Variants in SH3GL2 observed in about 807,000 individuals in gnomAD.
The protein encoded by SH3GL2 is endophilin-A1.
Under a neutral mutation model 46.0 loss-of-function variants are expected in SH3GL2, and 24 were observed. That is an observed-to-expected ratio of 0.52 (90% confidence interval 0.38 to 0.73). The LOEUF (loss-of-function observed/expected upper bound fraction) is 0.73, where lower values mean the gene tolerates loss of function less well. Ranked by LOEUF, SH3GL2 falls within the 30% of genes least tolerant of loss-of-function variation. The pLI is 0.00. For synonymous variants in SH3GL2, 196 were observed against 147.1 expected (o/e 1.33, Z -2.40); for missense variants, 413 against 424.2 (o/e 0.97, Z 0.23).
At chr9:17,699,343 A>T (rs1821289013) in intron 1 of SH3GL2, among the ~76,000 whole-genome samples, 1 of 152,130 alleles carries the variant, frequency 6.6e-6, no homozygotes. Context: ...GGAAACAAGC[A>T]GTCACAGCTT....
intron 1 of SH3GL2, among the ~76,000 whole-genome samples, chr9:17,689,631 C>T (rs1367760041): frequency 7.1e-6 from 1 of 140,534 alleles, no homozygotes; most frequent in Non-Finnish European, 1.5e-5. Flanking sequence ...CTACTCTGGC[C>T]TGGTTGCTGT....
rs537203156 is a variant in SH3GL2 at position 17,647,051 on chromosome 9, CT to C, written c.45+67767del. ...ATAAGCCCCTGACCGGGGCTGTTGC[CT>C]TTCCTCAGAGATGCCCTGCCCAGAG... On this transcript the variant is annotated intron_variant, in intron 1 of 8. Coordinates refer to ENST00000380607, the MANE Select transcript of SH3GL2 (RefSeq NM_003026.5). 4.7e-3 allele frequency among the ~76,000 whole-genome samples: 715 copies of C among 152,262 alleles called. 2 individuals are homozygous for C. Among genetic ancestry groups the C allele is most frequent in the Non-Finnish European group, 8.7e-3 (594 of 68,022 alleles).
intron 1 of SH3GL2, among the ~76,000 whole-genome samples, chr9:17,738,674 AT>A (rs1822436083): frequency 6.8e-6 from 1 of 147,818 alleles, no homozygotes; most frequent in Non-Finnish European, 1.5e-5. Context: ...AGAGAGAGAG[AT>A]AATTTTATTT....
At chr9:17,616,585 A>G (rs1291236065) in intron 1 of SH3GL2, among the ~76,000 whole-genome samples, 1 of 152,212 alleles carries the variant, frequency 6.6e-6, no homozygotes, top group Non-Finnish European at 1.5e-5. Context: ...CAAATGATAT[A>G]GCAAAGCAAA....
chr9:17,628,526 G>T (rs1197013529), intron 1 of SH3GL2, among the ~76,000 whole-genome samples: 1 of 151,880 alleles, frequency 6.6e-6, no homozygotes, highest in East Asian at 1.9e-4. Flanking sequence ...GGCTTGCCTT[G>T]CTGACTTCAG....
At chr9:17,772,911 A>T (rs4302941) in intron 3 of SH3GL2, among the ~76,000 whole-genome samples, 1 of 151,944 alleles carries the variant, frequency 6.6e-6, no homozygotes, top group African/African-American at 2.4e-5. Flanking sequence ...TTTCTGAGGT[A>T]CCACTGTGCT....
At chr9:17,791,428 A>G (rs1189507019) in intron 7 of SH3GL2, 94 bp downstream of exon 7, 1 of 917,432 alleles carries the variant, frequency 1.1e-6, no homozygotes, top group Non-Finnish European at 1.8e-6. Context: ...TTGGAGACAA[A>G]CGTCTGCCAA....
chr9:17,612,779 C>G (rs925757199), intron 1 of SH3GL2, among the ~76,000 whole-genome samples: 16 of 152,142 alleles, frequency 1.1e-4, no homozygotes, highest in Admixed American at 8.5e-4. Flanking sequence ...AATTTTGGAA[C>G]GTTTTTACAC....
rs200543316 is a variant in SH3GL2, at chr9:17,756,933, T to A, written c.115-4504T>A. ...TCCACAATGGTTGAACCAGTTTACA[T>A]TCCCACCAACAGTGTAAAAGTGTTC... On this transcript the variant is annotated intron_variant, in intron 2 of 8. Transcript: ENST00000380607. 3.3e-5 allele frequency among the ~76,000 whole-genome samples: 5 copies of A among 152,318 alleles called. No homozygotes were observed. In the South Asian group the frequency reaches 1.0e-3, roughly 32 times the overall value.
intron 1 of SH3GL2, among the ~76,000 whole-genome samples, chr9:17,686,630 TC>T (rs1216250168): frequency 1.7e-5 from 2 of 118,604 alleles, no homozygotes; most frequent in Non-Finnish European, 3.4e-5. Context: ...TGAGTTCATG[TC>T]CTTTGTAGGG....
chr9:17,644,788 A>G lies in SH3GL2; in HGVS notation c.45+65501A>G, dbSNP rs139082926. Among the ~76,000 whole-genome samples, 382 of 152,258 alleles carry G rather than the reference A, an allele frequency of 2.5e-3. 1 individual carries two copies. Among genetic ancestry groups the G allele is most frequent in the African/African-American group, 8.7e-3 (362 of 41,528 alleles). ...TAAGTGCGATGTGGTGCTGAGAAGA[A>G]TGTATCTTCTGTTTGTTTGGGGTGG... is the stretch of plus-strand genomic sequence containing the variant. On this transcript the variant is annotated intron_variant, in intron 1 of 8. Transcript: ENST00000380607.
chr9:17,725,381 C>T (rs1237180225), intron 1 of SH3GL2, among the ~76,000 whole-genome samples: 1 of 152,066 alleles, frequency 6.6e-6, no homozygotes, highest in East Asian at 1.9e-4. Context: ...CTTGGTCCAC[C>T]GTTTCACTTA....
At chr9:17,749,042 C>T (rs1822771557) in intron 2 of SH3GL2, among the ~76,000 whole-genome samples, 1 of 152,178 alleles carries the variant, frequency 6.6e-6, no homozygotes, top group Admixed American at 6.5e-5. Flanking sequence ...GATGGATACC[C>T]AGTGGTGAGG....
intron 1 of SH3GL2, among the ~76,000 whole-genome samples, chr9:17,659,069 T>TG (rs1209905131): frequency 6.6e-6 from 1 of 152,184 alleles, no homozygotes; most frequent in East Asian, 1.9e-4. Context: ...TTCTTGCTAG[T>TG]GGTACTTCCT....
chr9:17,704,436 A>C (rs35525187), intron 1 of SH3GL2, among the ~76,000 whole-genome samples: 10 of 147,334 alleles, frequency 6.8e-5, no homozygotes, highest in African/African-American at 2.2e-4. Flanking sequence ...ATTAGAAAAA[A>C]AAAATATTAG....
At chr9:17,601,607 G>T (rs1818675108) in intron 1 of SH3GL2, among the ~76,000 whole-genome samples, 1 of 152,164 alleles carries the variant, frequency 6.6e-6, no homozygotes, top group African/African-American at 2.4e-5. Context: ...TTCAGAAAAG[G>T]TGAAGTTATA....
intron 1 of SH3GL2, among the ~76,000 whole-genome samples, chr9:17,654,485 G>A (rs1314927201): frequency 6.6e-6 from 1 of 152,128 alleles, no homozygotes; most frequent in Non-Finnish European, 1.5e-5. Context: ...TGAGAGTTTT[G>A]ATTTATTTAT....
At chr9:17,696,076 A>G (rs897030237) in intron 1 of SH3GL2, among the ~76,000 whole-genome samples, 1 of 152,114 alleles carries the variant, frequency 6.6e-6, no homozygotes, top group Non-Finnish European at 1.5e-5. Context: ...CTCTTTTCTC[A>G]TCCCTTCAGT....
chr9:17,673,399 G>T lies in SH3GL2; in HGVS notation c.46-73667G>T, dbSNP rs1820524376. On this transcript the variant is annotated intron_variant, in intron 1 of 8. Coordinates refer to ENST00000380607, the MANE Select transcript of SH3GL2 (RefSeq NM_003026.5). ...GAATGCAGGCTCAAGCGATCTGCCT[G>T]CCTCCCAAAGTGCTGGGATTATAGG... Among the ~76,000 whole-genome samples, 5 of 150,136 alleles carry T rather than the reference G, an allele frequency of 3.3e-5. No homozygotes were observed. The Admixed American group carries it at 3.3e-4, about 10-fold the overall frequency.
Sources: allele counts gnomAD v4.1 joint callset (sites outside exome capture counted in the v4.1 genomes callset), GRCh38; gene constraint gnomAD v4.1.1; transcripts MANE v1.5; gene names NCBI Gene and HGNC (gene_info 2026-07-23, HGNC 2026-07-21).